KCNIP4: variants seen among roughly 807,000 people sequenced by gnomAD.
KCNIP4 encodes potassium voltage-gated channel interacting protein 4, also known as Kv channel-interacting protein 4.
KCNIP4 carries 12 observed loss-of-function variants against 34.0 expected under a neutral mutation model. The ratio of observed to expected loss-of-function variants is 0.35; its 90% CI spans 0.23 to 0.57. KCNIP4 has a LOEUF of 0.57. Ranked by LOEUF, KCNIP4 falls within the 20% of genes least tolerant of loss-of-function variation. KCNIP4 has a pLI of 0.83. For missense variants in KCNIP4, 238 were observed against 311.7 expected (o/e 0.76, Z 1.78); for synonymous variants, 124 against 102.2 (o/e 1.21, Z -1.29).
intron 3 of KCNIP4, among the ~76,000 whole-genome samples, chr4:20,850,102 T>G (rs1720841648): frequency 6.6e-6 from 1 of 152,188 alleles, no homozygotes; most frequent in South Asian, 2.1e-4. Flanking sequence ...TTACAGACAT[T>G]GGCAGCATGG....
At chr4:21,705,221 A>T (rs1713172208) in intron 1 of KCNIP4, among the ~76,000 whole-genome samples, 1 of 152,188 alleles carries the variant, frequency 6.6e-6, no homozygotes, top group Non-Finnish European at 1.5e-5. Context: ...GGGTGGGGGC[A>T]GAAAGAAGGG....
intron 2 of KCNIP4, among the ~76,000 whole-genome samples, chr4:20,859,717 C>T (rs16870151): frequency 0.031 from 4,710 of 152,250 alleles, 110 homozygotes; most frequent in Admixed American, 0.073. Context: ...CTTGGTACAG[C>T]TCAACTCGTA....
intron 1 of KCNIP4, among the ~76,000 whole-genome samples, chr4:21,460,299 A>G (rs1243900964): frequency 6.6e-6 from 1 of 151,484 alleles, no homozygotes; most frequent in Non-Finnish European, 1.5e-5. Context: ...ATTTTACCCA[A>G]ATGTCATCTT....
chr4:21,409,608 A>G (rs1161936360), intron 1 of KCNIP4, among the ~76,000 whole-genome samples: 1 of 152,254 alleles, frequency 6.6e-6, no homozygotes, highest in South Asian at 2.1e-4. Context: ...GAAATAATAT[A>G]CTTTGGATAA....
intron 1 of KCNIP4, among the ~76,000 whole-genome samples, chr4:20,890,257 C>G (rs1288535171): frequency 6.6e-6 from 1 of 152,002 alleles, no homozygotes; most frequent in East Asian, 1.9e-4. Flanking sequence ...AAAAAATAAT[C>G]AACAAAAATA....
intron 1 of KCNIP4, among the ~76,000 whole-genome samples, chr4:21,497,373 A>G (rs1732937570): frequency 6.6e-6 from 1 of 152,022 alleles, no homozygotes. Context: ...CATTCTTACC[A>G]AGTAACTCAT....
intron 1 of KCNIP4, among the ~76,000 whole-genome samples, chr4:21,800,738 A>C (rs1488564884): frequency 1.3e-5 from 2 of 152,212 alleles, no homozygotes; most frequent in African/African-American, 4.8e-5. Flanking sequence ...AATACTACTT[A>C]CATTAATATA....
intron 1 of KCNIP4, among the ~76,000 whole-genome samples, chr4:21,727,620 G>C (rs1715292303): frequency 6.6e-6 from 1 of 152,016 alleles, no homozygotes; most frequent in Non-Finnish European, 1.5e-5. Flanking sequence ...CTGGAGGTCA[G>C]AAGTTCAAGA....
intron 1 of KCNIP4, chr4:21,846,736 A>G (rs1438114488): frequency 6.6e-6 from 1 of 152,170 alleles, no homozygotes; most frequent in Non-Finnish European, 1.5e-5. Flanking sequence ...TGGAGGCTCA[A>G]TCAGTGGGGC....
intron 1 of KCNIP4, among the ~76,000 whole-genome samples, chr4:20,991,525 C>T (rs1164490682): frequency 6.6e-6 from 1 of 152,090 alleles, no homozygotes; most frequent in Non-Finnish European, 1.5e-5. Flanking sequence ...ATGAATGGGG[C>T]CTGTGTTCTG....
chr4:21,044,088 A>G (rs768257643), intron 1 of KCNIP4, among the ~76,000 whole-genome samples: 6 of 151,946 alleles, frequency 3.9e-5, no homozygotes, highest in Non-Finnish European at 7.4e-5. Context: ...GATTGGCCCC[A>G]CTCACTGCTG....
intron 1 of KCNIP4, among the ~76,000 whole-genome samples, chr4:21,805,394 C>T (rs1039820849): frequency 2.0e-5 from 3 of 152,022 alleles, no homozygotes; most frequent in African/African-American, 7.2e-5. Context: ...TGGTGCACTA[C>T]CAGAGCACCA....
At chr4:21,482,397 T>C (rs1222917104) in intron 1 of KCNIP4, among the ~76,000 whole-genome samples, 1 of 152,204 alleles carries the variant, frequency 6.6e-6, no homozygotes, top group Non-Finnish European at 1.5e-5. Context: ...ATGCAGTTTC[T>C]TCCTAGCCTT....
intron 5 of KCNIP4, among the ~76,000 whole-genome samples, chr4:20,740,447 A>C (rs1379439320): frequency 6.6e-6 from 1 of 152,126 alleles, no homozygotes. Flanking sequence ...AGAATTTTCA[A>C]CCCAGAATTT....
intron 1 of KCNIP4, among the ~76,000 whole-genome samples, chr4:21,840,820 C>G (rs1723630481): frequency 6.6e-6 from 1 of 152,178 alleles, no homozygotes; most frequent in African/African-American, 2.4e-5. Flanking sequence ...TGCATAAAGG[C>G]TCTGGTTTAC....
intron 1 of KCNIP4, among the ~76,000 whole-genome samples, chr4:21,222,046 G>T (rs559648212): frequency 2.0e-5 from 3 of 152,234 alleles, no homozygotes; most frequent in Non-Finnish European, 4.4e-5. Flanking sequence ...CTTTTTTCTA[G>T]AGTCAGTTCT....
chr4:21,400,113 A>G (rs1036599650), intron 1 of KCNIP4, among the ~76,000 whole-genome samples: 1 of 152,168 alleles, frequency 6.6e-6, no homozygotes, highest in Non-Finnish European at 1.5e-5. Flanking sequence ...CAGTAAGGAA[A>G]GAGGTAGAAA....
intron 1 of KCNIP4, among the ~76,000 whole-genome samples, chr4:21,590,162 G>A (rs1340515780): frequency 6.6e-6 from 1 of 151,950 alleles, no homozygotes; most frequent in Non-Finnish European, 1.5e-5. Context: ...AAAACTAGAG[G>A]AGGAGTGAAT....
In KCNIP4 at chr4:21,171,866, T is replaced by C. The variant is rs532986997; in HGVS notation, c.62-289157A>G. 8.0e-4 allele frequency among the ~76,000 whole-genome samples: 122 copies of C among 152,274 alleles called. 1 individual carries two copies. The highest frequency in any genetic ancestry group is 2.8e-3 in the African/African-American group (115 of 41,556). On this transcript the variant is annotated intron_variant, in intron 1 of 8. Coordinates refer to ENST00000382152, the MANE Select transcript of KCNIP4 (RefSeq NM_025221.6). ...CAAGACACAAGGAGTCAGCTGACAT[T>C]TCTATAAATACTTGTCTCAGCTCTT...
Sources: gnomAD v4.1 joint callset for allele counts (sites outside exome capture counted in the v4.1 genomes callset) on GRCh38, gnomAD v4.1.1 for gene constraint, MANE v1.5 for transcripts, NCBI Gene and HGNC (gene_info 2026-07-23, HGNC 2026-07-21) for gene names.